Variants in GAPVD1 observed in about 807,000 individuals in gnomAD.
GAPVD1 encodes GTPase-activating protein and VPS9 domain-containing protein 1.
A neutral mutation model predicts 155.5 loss-of-function variants in GAPVD1; 35 were observed. The ratio of observed to expected loss-of-function variants is 0.23; its 90% CI spans 0.17 to 0.30. GAPVD1 has a LOEUF of 0.30. GAPVD1 is among the 10% of genes least tolerant of loss of function. GAPVD1 has a pLI of 1.00. For synonymous variants in GAPVD1, 636 were observed against 619.7 expected (o/e 1.03, Z -0.39); for missense variants, 1,429 against 1,775.7 (o/e 0.80, Z 3.51).
intron 9 of GAPVD1, among the ~76,000 whole-genome samples, chr9:125,316,858 A>G: frequency 6.6e-6 from 1 of 152,154 alleles, no homozygotes; most frequent in Middle Eastern, 3.2e-3. Context: ...ACTCCCACCA[A>G]CAGTGTGAAA....
In GAPVD1 at chr9:125,312,568, G is replaced by T; in HGVS notation, c.1558G>T (p.Gly520Cys). ...QPEEVLVISLGTGPQLTPGMM... is the reference protein window; with the variant it reads ...QPEEVLVISLCTGPQLTPGMM... ...AGAAGAGGTGTTGGTCATTTCCTTA[G>T]GTACAGGTCCCCAGCTTACTCCAGG... The change falls in exon 9 of 28, where the codon GGT becomes TGT. Residue 520 changes from glycine (G) to cysteine (C), a missense_variant. Physicochemically the swap from Gly to Cys is radical, Grantham distance 159. This residue lies in a region of GAPVD1 where 628 missense variants were observed against 733.4 expected (regional missense o/e 0.86). Coordinates refer to ENST00000297933, the MANE Select transcript of GAPVD1 (RefSeq NM_001282680.3). 1 of 1,603,710 alleles carries T rather than the reference G, an allele frequency of 6.2e-7. No individual in the cohort carries two copies. The highest frequency in any genetic ancestry group is 8.5e-7 in the Non-Finnish European group (1 of 1,177,188).
intron 9 of GAPVD1, among the ~76,000 whole-genome samples, chr9:125,313,078 C>G (rs776465611): frequency 5.9e-5 from 9 of 152,080 alleles, no homozygotes; most frequent in South Asian, 2.1e-4. Flanking sequence ...CCTTTGCCTC[C>G]CAAAGTGCTG....
At chr9:125,304,813 ATATCT>A (rs1564345586) in intron 5 of GAPVD1, among the ~76,000 whole-genome samples, 1 of 152,200 alleles carries the variant, frequency 6.6e-6, no homozygotes, top group African/African-American at 2.4e-5. Flanking sequence ...CCTAATGTTG[ATATCT>A]TATGTGTTAA....
rs188262148 is a variant in GAPVD1 at position 125,363,671 on chromosome 9, C to T, written c.*925C>T. 6.6e-6 allele frequency: 1 copy of T among 152,650 alleles called. No individual in the cohort carries two copies. The highest frequency in any genetic ancestry group is 2.4e-5 in the African/African-American group (1 of 41,532). 9.5% of individuals were successfully genotyped at this position (152,650 alleles called of 1,614,324 possible). A position where few individuals can be genotyped will look rare whatever the true frequency, so the allele number is the denominator to read the frequency against. On this transcript the variant is annotated 3_prime_UTR_variant, in exon 28 of 28. Coordinates refer to ENST00000297933, the MANE Select transcript of GAPVD1 (RefSeq NM_001282680.3). ...AATCCCAGACAGAGCTCCTTACAAA[C>T]CTTTAATTGTAATATATTTTTGATG... is the stretch of plus-strand genomic sequence containing the variant.
chr9:125,312,763 C>G (rs996672671), intron 9 of GAPVD1, 151 bp downstream of exon 9: 5 of 555,206 alleles, frequency 9.0e-6, no homozygotes, highest in African/African-American at 7.8e-5. Flanking sequence ...AAGGCAGATT[C>G]AGTGTCTTGT....
At chr9:125,329,936 C>T (rs139484526) in intron 12 of GAPVD1, 142 bp from the exon 13 acceptor site, 239 of 574,712 alleles carry the variant, frequency 4.2e-4, no homozygotes, top group African/African-American at 4.0e-3. Context: ...CCTGCCTCAG[C>T]CTCCCAAAGT....
rs770431153 is a variant in GAPVD1 at position 125,302,131 on chromosome 9, T to G, written c.334T>G (p.Ser112Ala). The change falls in exon 5 of 28, where the codon TCC becomes GCC. Residue 112 changes from serine (S) to alanine (A), a missense_variant. Coordinates refer to ENST00000297933, the MANE Select transcript of GAPVD1 (RefSeq NM_001282680.3). ...RLRENPRLIA[S>A]SLVAGEKLNQ... is the part of the protein sequence containing the mutation. ...GAGGGAAAATCCTCGTCTTATTGCC[T>G]CCTCTTTGGTTGCTGGAGAGAAACT... The G allele has an allele frequency of 6.2e-7, 1 of 1,614,052 alleles. No individual in the cohort carries two copies. The highest frequency in any genetic ancestry group is 1.1e-5 in the South Asian group (1 of 91,080).
At chr9:125,333,316 G>A (rs1420216631) in intron 15 of GAPVD1, among the ~76,000 whole-genome samples, 6 of 151,764 alleles carry the variant, frequency 4.0e-5, no homozygotes, top group African/African-American at 2.4e-5. Flanking sequence ...TCCTGACCTC[G>A]TGATCCACCT....
intron 8 of GAPVD1, chr9:125,308,573 A>G (rs1842208556): frequency 1.3e-5 from 2 of 152,130 alleles, no homozygotes; most frequent in South Asian, 2.1e-4. Flanking sequence ...TAAGAATTCT[A>G]TTTAATTAAG....
At chr9:125,290,843 A>G (rs550985032) in intron 2 of GAPVD1, among the ~76,000 whole-genome samples, 1 of 150,954 alleles carries the variant, frequency 6.6e-6, no homozygotes, top group African/African-American at 2.4e-5. Flanking sequence ...CAAAATAAAA[A>G]TTTAGCTGGA....
chr9:125,333,162 C>A (rs1396995206), intron 15 of GAPVD1, among the ~76,000 whole-genome samples: 2 of 151,934 alleles, frequency 1.3e-5, no homozygotes, highest in East Asian at 3.9e-4. Flanking sequence ...ACTTCCGCCT[C>A]CTGGGTCTGC....
chr9:125,330,986 A>ATT (rs35123950), intron 13 of GAPVD1, among the ~76,000 whole-genome samples: 52 of 150,296 alleles, frequency 3.5e-4, no homozygotes, highest in South Asian at 8.4e-4. Flanking sequence ...AATCCTGAGG[A>ATT]TTTTTTTTTT....
At chr9:125,314,664 C>CAA (rs1041936862) in intron 9 of GAPVD1, among the ~76,000 whole-genome samples, 6 of 150,334 alleles carry the variant, frequency 4.0e-5, no homozygotes, top group African/African-American at 1.5e-4. Context: ...CAAAACAAAA[C>CAA]AAAACAAAAC....
intron 13 of GAPVD1, among the ~76,000 whole-genome samples, chr9:125,331,603 T>C (rs935646746): frequency 6.6e-6 from 1 of 152,194 alleles, no homozygotes. Context: ...TAGGAGTTAC[T>C]TTTTAGGAAG....
chr9:125,314,438 C>G (rs978244143), intron 9 of GAPVD1, among the ~76,000 whole-genome samples: 36 of 152,038 alleles, frequency 2.4e-4, no homozygotes, highest in African/African-American at 8.7e-4. Flanking sequence ...GGTGGATCCC[C>G]CGAGGTCAGG....
At chr9:125,339,214 T>A (rs1847491473) in intron 17 of GAPVD1, among the ~76,000 whole-genome samples, 1 of 152,142 alleles carries the variant, frequency 6.6e-6, no homozygotes, top group African/African-American at 2.4e-5. Context: ...TATCTTGAAC[T>A]CTTGGGCTCA....
intron 27 of GAPVD1, among the ~76,000 whole-genome samples, chr9:125,361,829 C>CA (rs374319282): frequency 1.2e-3 from 184 of 152,342 alleles, no homozygotes; most frequent in African/African-American, 4.0e-3. Flanking sequence ...TGGGTGCACA[C>CA]AGCCACTAAG....
chr9:125,362,506 G>A (rs887678456), intron 27 of GAPVD1, 100 bp from the exon 28 acceptor site: 22 of 948,078 alleles, frequency 2.3e-5, no homozygotes, highest in South Asian at 1.5e-4. Context: ...AAAAGGATTG[G>A]TATGTCTTTC....
At chr9:125,319,430 A>C (rs140467461) in intron 9 of GAPVD1, among the ~76,000 whole-genome samples, 3,024 of 149,104 alleles carry the variant, frequency 0.02, 80 homozygotes, top group African/African-American at 0.069. Flanking sequence ...TTTGAGATGG[A>C]ATCTCCCTCT....
Sources: allele counts gnomAD v4.1 joint callset (sites outside exome capture counted in the v4.1 genomes callset), GRCh38; gene constraint gnomAD v4.1.1; regional missense constraint gnomAD v4.1.1; transcripts MANE v1.5; gene names NCBI Gene and HGNC (gene_info 2026-07-23, HGNC 2026-07-21).